SLC24A2: variants seen among roughly 807,000 people sequenced by gnomAD.
The protein encoded by SLC24A2 is sodium/potassium/calcium exchanger 2.
A neutral mutation model predicts 62.0 loss-of-function variants in SLC24A2; 36 were observed. The ratio of observed to expected loss-of-function variants is 0.58; its 90% CI spans 0.44 to 0.77. The LOEUF is 0.77. Among genes scored for constraint, SLC24A2 ranks in the 30% least tolerant of loss-of-function variants. The pLI, the probability that SLC24A2 is intolerant of heterozygous loss-of-function variation, is 0.00. For missense variants in SLC24A2, 846 were observed against 817.9 expected, an observed-to-expected ratio of 1.03 and a Z score of -0.42; for synonymous variants, 358 against 294.0, an observed-to-expected ratio of 1.22 and a Z score of -2.23.
the SLC24A2 span, among the ~76,000 whole-genome samples, chr9:20,030,432 G>A: frequency 4.5e-4 from 69 of 152,308 alleles, no homozygotes; most frequent in African/African-American, 1.6e-3. Context: ...CAGAAAGGCA[G>A]TGTGAAAGTG....
intron 8 of SLC24A2, among the ~76,000 whole-genome samples, chr9:19,545,527 C>A (rs929795566): frequency 6.6e-6 from 1 of 151,976 alleles, no homozygotes; most frequent in Non-Finnish European, 1.5e-5. Flanking sequence ...AATTTTCAGC[C>A]TTTTTGCGCG....
intron 5 of SLC24A2, among the ~76,000 whole-genome samples, chr9:19,579,482 GGAGGTTCT>G (rs1461047386): frequency 6.6e-6 from 1 of 152,116 alleles, no homozygotes; most frequent in African/African-American, 2.4e-5. Flanking sequence ...GAGGAAAAAA[GGAGGTTCT>G]GAAACTTTAT....
chr9:20,233,163 T>G, the SLC24A2 span, among the ~76,000 whole-genome samples: 3 of 152,048 alleles, frequency 2.0e-5, no homozygotes, highest in Non-Finnish European at 4.4e-5. Context: ...GTCAATTTTG[T>G]AGTAGGTGTG....
intron 2 of SLC24A2, among the ~76,000 whole-genome samples, chr9:19,706,905 C>A (rs1820544758): frequency 6.6e-6 from 1 of 151,780 alleles, no homozygotes. Context: ...TAACTAAAAT[C>A]AGAGCAGAAC....
the SLC24A2 span, among the ~76,000 whole-genome samples, chr9:20,160,846 C>T: frequency 3.4e-5 from 5 of 146,512 alleles, no homozygotes; most frequent in South Asian, 1.1e-3. Context: ...AACTCAAAAG[C>T]CTAAAACAGA....
intron 5 of SLC24A2, among the ~76,000 whole-genome samples, chr9:19,584,435 T>G (rs1040211643): frequency 6.6e-6 from 1 of 152,182 alleles, no homozygotes; most frequent in African/African-American, 2.4e-5. Flanking sequence ...TTCATATTTG[T>G]GCTCTGATGG....
rs185087435 is a variant in SLC24A2, at chr9:19,531,915, A to G, written c.1480-3777T>C. Among the ~76,000 whole-genome samples the G allele has an allele frequency of 8.5e-4, 130 of 152,336 alleles. 1 individual carries two copies. Among genetic ancestry groups the G allele is most frequent in the East Asian group, 2.7e-3 (14 of 5,192 alleles). On this transcript the variant is annotated intron_variant, in intron 8 of 10. Transcript: ENST00000341998. ...AAATGTCTAGCAAAGTACCTCGCACATAAGTGCTCAGATAATTATATTTGT... is the reference window on the plus strand; with the variant it reads ...AAATGTCTAGCAAAGTACCTCGCACGTAAGTGCTCAGATAATTATATTTGT...
chr9:20,004,882 G>A, the SLC24A2 span, among the ~76,000 whole-genome samples: 5 of 151,712 alleles, frequency 3.3e-5, no homozygotes, highest in South Asian at 2.1e-4. Flanking sequence ...TTCTGAATGA[G>A]GAAAACTTGA....
intron 2 of SLC24A2, among the ~76,000 whole-genome samples, chr9:19,730,551 G>T (rs1472355422): frequency 6.6e-6 from 1 of 151,974 alleles, no homozygotes; most frequent in African/African-American, 2.4e-5. Context: ...ACAAAATGAG[G>T]TAAGTTTATA....
At chr9:19,992,352 TTGC>T in the SLC24A2 span, among the ~76,000 whole-genome samples, 1 of 152,222 alleles carries the variant, frequency 6.6e-6, no homozygotes. Flanking sequence ...GTCTGTTTGC[TTGC>T]TATGTGTTGC....
At chr9:20,291,448 T>C in the SLC24A2 span, among the ~76,000 whole-genome samples, 1 of 152,172 alleles carries the variant, frequency 6.6e-6, no homozygotes, top group Non-Finnish European at 1.5e-5. Context: ...TAGTCCAATT[T>C]GTCTGGAGCT....
the SLC24A2 span, among the ~76,000 whole-genome samples, chr9:20,258,305 C>T: frequency 6.6e-6 from 1 of 152,212 alleles, no homozygotes; most frequent in African/African-American, 2.4e-5. Context: ...CTGAGCCTAT[C>T]CCTCCTCTGT....
At chr9:19,699,997 CA>C (rs1820308736) in intron 2 of SLC24A2, among the ~76,000 whole-genome samples, 1 of 152,010 alleles carries the variant, frequency 6.6e-6, no homozygotes, top group South Asian at 2.1e-4. Flanking sequence ...TCTTTCTGGG[CA>C]AAAGAGTCCC....
At chr9:19,755,660 G>A (rs1822118302) in intron 2 of SLC24A2, among the ~76,000 whole-genome samples, 1 of 152,126 alleles carries the variant, frequency 6.6e-6, no homozygotes, top group South Asian at 2.1e-4. Context: ...TCCCTGCTGT[G>A]GGTCAGAGTC....
the SLC24A2 span, among the ~76,000 whole-genome samples, chr9:20,218,794 A>T: frequency 6.6e-6 from 1 of 152,096 alleles, no homozygotes; most frequent in African/African-American, 2.4e-5. Context: ...TGTATTTCTT[A>T]TCTCAGTTTC....
At position 19,664,459 on chromosome 9, in the gene SLC24A2, G is replaced by A. The variant is rs58300569; in HGVS notation, c.931-42160C>T. On this transcript the variant is annotated intron_variant, in intron 2 of 10. Transcript: ENST00000341998. ...GATGTTCACAGTAACCCTGAAAATT[G>A]GATATTAGCATTCCTGTTGTATAAA... Among the ~76,000 whole-genome samples the A allele has an allele frequency of 3.0e-3, 454 of 152,306 alleles. 5 individuals are homozygous for A. The highest frequency in any genetic ancestry group is 0.011 in the African/African-American group (437 of 41,546).
At chr9:20,255,619 A>G in the SLC24A2 span, among the ~76,000 whole-genome samples, 2 of 140,498 alleles carry the variant, frequency 1.4e-5, no homozygotes, top group African/African-American at 3.2e-5. Context: ...ACACGAGTCT[A>G]TCTAAGAGGC....
At chr9:20,118,534 T>C in the SLC24A2 span, among the ~76,000 whole-genome samples, 1 of 152,138 alleles carries the variant, frequency 6.6e-6, no homozygotes, top group Non-Finnish European at 1.5e-5. Context: ...ATTGATGCTG[T>C]TCTTAAGTTT....
At chr9:19,637,599 G>A (rs1818392238) in intron 2 of SLC24A2, among the ~76,000 whole-genome samples, 1 of 152,178 alleles carries the variant, frequency 6.6e-6, no homozygotes, top group South Asian at 2.1e-4. Context: ...AGTACCAAAG[G>A]AAATAAAGGC....
Sources: allele counts gnomAD v4.1 joint callset (sites outside exome capture counted in the v4.1 genomes callset), GRCh38; gene constraint gnomAD v4.1.1; transcripts MANE v1.5; gene names NCBI Gene and HGNC (gene_info 2026-07-23, HGNC 2026-07-21).